The following EFCAB6 variants were observed in gnomAD, a reference collection of about 807,000 sequenced individuals.
EFCAB6 encodes the protein EF-hand calcium-binding domain-containing protein 6.
Under a neutral mutation model 169.8 loss-of-function variants are expected in EFCAB6, and 156 were observed. That is an observed-to-expected ratio of 0.92 (90% CI 0.81 to 1.05). The LOEUF is 1.05. Among genes scored for constraint, EFCAB6 ranks in the 50% least tolerant of loss-of-function variants. The pLI is 0.00. For synonymous variants in EFCAB6, 698 were observed against 676.4 expected, an observed-to-expected ratio of 1.03 and a Z score of -0.50; for missense variants, 1,800 against 1,829.1, an observed-to-expected ratio of 0.98 and a Z score of 0.29.
chr22:43,732,438 T>G (rs181654294), intron 7 of EFCAB6, among the ~76,000 whole-genome samples: 1 of 151,646 alleles, frequency 6.6e-6, no homozygotes, highest in Non-Finnish European at 1.5e-5. Context: ...AGCGAACCAC[T>G]GTCTATTCCT....
At chr22:43,602,608 T>C (rs1191380454) in intron 22 of EFCAB6, among the ~76,000 whole-genome samples, 3 of 152,134 alleles carry the variant, frequency 2.0e-5, no homozygotes, top group Non-Finnish European at 4.4e-5. Context: ...AATGTAATAA[T>C]GCAACTCTGG....
chr22:43,533,841 G>A (rs923961174), intron 30 of EFCAB6, among the ~76,000 whole-genome samples: 3 of 152,218 alleles, frequency 2.0e-5, no homozygotes, highest in Non-Finnish European at 4.4e-5. Context: ...CAAGGCCGGG[G>A]ACATTTCACA....
intron 4 of EFCAB6, among the ~76,000 whole-genome samples, chr22:43,772,260 A>G (rs936955218): frequency 6.6e-6 from 1 of 152,224 alleles, no homozygotes; most frequent in Non-Finnish European, 1.5e-5. Context: ...AATGCTCCGT[A>G]ACTATTTGAT....
intron 20 of EFCAB6, among the ~76,000 whole-genome samples, chr22:43,619,742 C>G (rs980117645): frequency 2.0e-5 from 3 of 152,136 alleles, no homozygotes; most frequent in African/African-American, 7.2e-5. Flanking sequence ...GATACAAAAC[C>G]TGTGATACAA....
At chr22:43,708,877 G>T (rs1473437931) in intron 10 of EFCAB6, among the ~76,000 whole-genome samples, 1 of 152,050 alleles carries the variant, frequency 6.6e-6, no homozygotes, top group Non-Finnish European at 1.5e-5. Context: ...CTCTGCTATG[G>T]TTTCCAGTAA....
chr22:43,792,476 T>G (rs915389275), intron 2 of EFCAB6, among the ~76,000 whole-genome samples: 5 of 152,076 alleles, frequency 3.3e-5, no homozygotes, highest in African/African-American at 1.2e-4. Flanking sequence ...GCTGAAATAA[T>G]AAAACAAGAT....
At chr22:43,666,219 G>A (rs184146943) in intron 17 of EFCAB6, among the ~76,000 whole-genome samples, 26 of 152,098 alleles carry the variant, frequency 1.7e-4, no homozygotes, top group Non-Finnish European at 3.2e-4. Context: ...GTCTTGTCTT[G>A]TTCTGGCTGG....
chr22:43,530,932 G>A lies in EFCAB6; in HGVS notation c.4266C>T (p.Tyr1422=). ...KEAGAETPSF[Y]SALLRIQPKI... is the part of the protein sequence containing the mutation. ...TGGGCTGAATACGCAGCAGAGCAGA[G>A]TAAAAAGATGGCGTCTCCGCGCCGG... Residue 1422 remains tyrosine, a synonymous_variant, in exon 31 of 32, where the codon TAC becomes TAT. Transcript: ENST00000262726. 1.2e-6 allele frequency: 2 copies of A among 1,613,776 alleles called. No individual in the cohort carries two copies. Among genetic ancestry groups the A allele is most frequent in the Non-Finnish European group, 1.7e-6 (2 of 1,180,032 alleles).
chr22:43,564,077 C>T (rs539661008), intron 26 of EFCAB6, among the ~76,000 whole-genome samples: 5 of 152,222 alleles, frequency 3.3e-5, no homozygotes, highest in Non-Finnish European at 7.3e-5. Context: ...GGGATAACCA[C>T]ACCAGTTAGA....
intron 8 of EFCAB6, among the ~76,000 whole-genome samples, chr22:43,726,299 AAGAC>A (rs1172882307): frequency 1.4e-5 from 2 of 142,848 alleles, no homozygotes; most frequent in African/African-American, 5.1e-5. Context: ...AAAAAAAAAA[AAGAC>A]AGCATAAATT....
chr22:43,569,496 G>A (rs1602321504), intron 26 of EFCAB6, among the ~76,000 whole-genome samples: 1 of 152,356 alleles, frequency 6.6e-6, no homozygotes, highest in East Asian at 1.9e-4. Context: ...AGGGCAGCAA[G>A]CTTACCAAGC....
rs75502248 is a variant in EFCAB6, at chr22:43,782,597, C to A, written c.-7-272G>T. ...AAAAATCCACCTACATCTTGACTAT[C>A]AGTGACTCATTTCTTTGGTAGGCAG... On this transcript the variant is annotated intron_variant, in intron 2 of 31. Coordinates refer to ENST00000262726, the MANE Select transcript of EFCAB6 (RefSeq NM_022785.4). 3.1e-3 allele frequency among the ~76,000 whole-genome samples: 471 copies of A among 152,296 alleles called. 2 individuals are homozygous for A. The highest frequency in any genetic ancestry group is 0.01 in the African/African-American group (436 of 41,574).
intron 24 of EFCAB6, among the ~76,000 whole-genome samples, chr22:43,581,182 C>A (rs755003322): frequency 6.6e-6 from 1 of 152,058 alleles, no homozygotes; most frequent in Non-Finnish European, 1.5e-5. Context: ...AGGCCTTAAC[C>A]AAGAAGGGCC....
chr22:43,648,443 G>T (rs1292478070), intron 17 of EFCAB6, among the ~76,000 whole-genome samples: 1 of 152,184 alleles, frequency 6.6e-6, no homozygotes, highest in Non-Finnish European at 1.5e-5. Flanking sequence ...TATCCTAAGA[G>T]AATTTATACA....
At chr22:43,784,598 T>TATACACATATATGTGTATATATAC (rs2061977374) in intron 2 of EFCAB6, among the ~76,000 whole-genome samples, 2 of 64,876 alleles carry the variant, frequency 3.1e-5, no homozygotes, top group Non-Finnish European at 6.3e-5. Flanking sequence ...TATGTATATA[T>TATACACATATATGTGTATATATAC]ACACATATAT....
At chr22:43,535,975 C>T (rs1180852364) in intron 29 of EFCAB6, 1 of 152,206 alleles carries the variant, frequency 6.6e-6, no homozygotes, top group East Asian at 1.9e-4. Context: ...CACAGAAGGC[C>T]ATCAGCAGTG....
chr22:43,592,691 G>A (rs1602479743), intron 23 of EFCAB6, among the ~76,000 whole-genome samples: 1 of 152,120 alleles, frequency 6.6e-6, no homozygotes, highest in Non-Finnish European at 1.5e-5. Flanking sequence ...GAGGCCAGAA[G>A]GGGGCACTGT....
At chr22:43,640,262 G>A (rs571672261) in intron 17 of EFCAB6, among the ~76,000 whole-genome samples, 18 of 152,102 alleles carry the variant, frequency 1.2e-4, no homozygotes, top group Non-Finnish European at 2.1e-4. Flanking sequence ...AGAGTGACAT[G>A]TTTTATGTCT....
intron 8 of EFCAB6, among the ~76,000 whole-genome samples, chr22:43,730,645 T>A (rs2059915240): frequency 6.6e-6 from 1 of 152,188 alleles, no homozygotes; most frequent in African/African-American, 2.4e-5. Flanking sequence ...CACGGAGAGA[T>A]GCCAAGAACC....
Sources: allele counts gnomAD v4.1 joint callset (sites outside exome capture counted in the v4.1 genomes callset), GRCh38; gene constraint gnomAD v4.1.1; transcripts MANE v1.5; gene names NCBI Gene and HGNC (gene_info 2026-07-23, HGNC 2026-07-21).